Variants in PREX1 observed in about 807,000 individuals in gnomAD.
PREX1 encodes the protein phosphatidylinositol-3,4,5-trisphosphate dependent Rac exchange factor 1, also known as phosphatidylinositol 3,4,5-trisphosphate-dependent Rac exchanger 1 protein.
A neutral mutation model predicts 198.3 loss-of-function variants in PREX1; 41 were observed. The ratio of observed to expected loss-of-function variants is 0.21; its 90% CI spans 0.16 to 0.27. PREX1 has a LOEUF of 0.27. Among genes scored for constraint, PREX1 ranks in the 10% least tolerant of loss-of-function variants. The pLI, the probability that PREX1 is intolerant of heterozygous loss-of-function variation, is 1.00. For missense variants in PREX1, 1,620 were observed against 2,200.7 expected (o/e 0.74, Z 5.28); for synonymous variants, 843 against 887.2 (o/e 0.95, Z 0.89).
intron 26 of PREX1, 140 bp downstream of exon 26, chr20:48,645,711 A>G: frequency 1.0e-6 from 1 of 976,800 alleles, no homozygotes; most frequent in Non-Finnish European, 1.5e-6. Context: ...AATCCCCCAG[A>G]ACCACGCTAT....
intron 3 of PREX1, among the ~76,000 whole-genome samples, chr20:48,741,346 TA>T (rs67760110): frequency 0.064 from 9,748 of 151,276 alleles, 394 homozygotes; most frequent in South Asian, 0.18. Flanking sequence ...ATTTTTTTTT[TA>T]TTTTATTTTT....
chr20:48,828,026 G>GGAGGCAGCGCGCGGGGGCC (rs2090518690), upstream of PREX1: 5 of 157,110 alleles, frequency 3.2e-5, no homozygotes, highest in South Asian at 1.8e-4. Flanking sequence ...GGCCGGGGGC[G>GGAGGCAGCGCGCGGGGGCC]GAGGCAGCGC....
At chr20:48,862,790 A>AAAAAT in the PREX1 span, among the ~76,000 whole-genome samples, 321 of 102,540 alleles carry the variant, frequency 3.1e-3, 1 homozygote, top group South Asian at 0.01. Flanking sequence ...TAAAAAAAAA[A>AAAAAT]ATATATATAT....
intron 37 of PREX1, 63 bp from the exon 38 acceptor site, chr20:48,628,026 CG>C (rs754780002): frequency 7.5e-5 from 76 of 1,019,432 alleles, no homozygotes; most frequent in Non-Finnish European, 9.7e-5. Context: ...GGGAGGACAG[CG>C]GGAGTCAGAG....
intron 32 of PREX1, 73 bp downstream of exon 32, chr20:48,636,390 G>A (rs187092245): frequency 1.4e-6 from 2 of 1,444,540 alleles, no homozygotes; most frequent in East Asian, 4.9e-5. Flanking sequence ...GTGGGCAAGG[G>A]CTCCCTCGAC....
At chr20:48,690,884 C>G in intron 9 of PREX1, 63 bp downstream of exon 9, 1 of 1,605,344 alleles carries the variant, frequency 6.2e-7, no homozygotes, top group Non-Finnish European at 8.5e-7. Flanking sequence ...ACACAGCCCC[C>G]ACTCAGAAGA....
At chr20:48,761,587 C>T (rs905150897) in intron 1 of PREX1, among the ~76,000 whole-genome samples, 1 of 151,976 alleles carries the variant, frequency 6.6e-6, no homozygotes, top group Admixed American at 6.6e-5. Context: ...TTGCAACAAC[C>T]TGTCATGAAG....
chr20:48,770,598 T>C (rs1004541712), intron 1 of PREX1, among the ~76,000 whole-genome samples: 5 of 152,050 alleles, frequency 3.3e-5, no homozygotes, highest in African/African-American at 1.2e-4. Context: ...TAATCCCAGC[T>C]ACTTGGGAGG....
intron 7 of PREX1, among the ~76,000 whole-genome samples, chr20:48,698,698 G>A (rs201768912): frequency 3.2e-4 from 49 of 152,266 alleles, no homozygotes; most frequent in Middle Eastern, 3.4e-3. Flanking sequence ...GCCCAGAACA[G>A]GGGGGAAAGG....
At chr20:48,867,473 G>A in the PREX1 span, among the ~76,000 whole-genome samples, 1 of 152,270 alleles carries the variant, frequency 6.6e-6, no homozygotes, top group Non-Finnish European at 1.5e-5. Context: ...CCAGGCACCT[G>A]AGCCAAGCTG....
intron 1 of PREX1, among the ~76,000 whole-genome samples, chr20:48,821,053 G>A (rs1337869038): frequency 6.6e-6 from 1 of 151,934 alleles, no homozygotes; most frequent in African/African-American, 2.4e-5. Context: ...AATACAAAAA[G>A]TAGCCGGGCA....
At chr20:48,630,514 G>C (rs996997527) in intron 36 of PREX1, among the ~76,000 whole-genome samples, 1 of 152,222 alleles carries the variant, frequency 6.6e-6, no homozygotes, top group African/African-American at 2.4e-5. Context: ...GGCAGAGATG[G>C]GCGGCTGCCA....
chr20:48,801,872 G>T (rs2090388795), intron 1 of PREX1, among the ~76,000 whole-genome samples: 1 of 152,122 alleles, frequency 6.6e-6, no homozygotes, highest in Admixed American at 6.5e-5. Flanking sequence ...GGGGAGTCTG[G>T]ATTAGTTCCC....
intron 1 of PREX1, among the ~76,000 whole-genome samples, chr20:48,797,353 C>G (rs879739299): frequency 3.3e-5 from 5 of 151,226 alleles, no homozygotes; most frequent in Non-Finnish European, 5.9e-5. Flanking sequence ...AGACCCCCCC[C>G]AGGACACTGA....
intron 7 of PREX1, 103 bp downstream of exon 7, chr20:48,700,650 C>A (rs2089868996): frequency 3.4e-6 from 5 of 1,481,278 alleles, no homozygotes; most frequent in Non-Finnish European, 4.7e-6. Flanking sequence ...ACAAACCCCT[C>A]AACTCACAGG....
intron 3 of PREX1, among the ~76,000 whole-genome samples, chr20:48,741,075 C>T (rs2090079381): frequency 6.6e-6 from 1 of 151,776 alleles, no homozygotes; most frequent in Non-Finnish European, 1.5e-5. Flanking sequence ...GTGGCACAAT[C>T]TCGACTCACT....
intron 1 of PREX1, among the ~76,000 whole-genome samples, chr20:48,764,755 C>G (rs1024554649): frequency 1.4e-5 from 2 of 147,000 alleles, no homozygotes; most frequent in East Asian, 2.0e-4. Flanking sequence ...ACACTCCAAC[C>G]TGGGAGACAG....
chr20:48,653,269 T>C (rs1339176266), intron 20 of PREX1, 92 bp downstream of exon 20: 1 of 1,534,392 alleles, frequency 6.5e-7, no homozygotes. Context: ...CAGTGGTACA[T>C]GCAGGCTTTT....
chr20:48,658,199 A>C lies in PREX1; in HGVS notation c.1911T>G (p.Phe637Leu). 1.9e-6 allele frequency: 3 copies of C among 1,614,168 alleles called. No individual in the cohort carries two copies. Among genetic ancestry groups the C allele is most frequent in the South Asian group, 1.1e-5 (1 of 91,086 alleles). ...CAGCCTTGTTCTTCTCCTCGATGTC[A>C]AAGCCATAGTCCTCCTCCTGGGGCA... ...LILPQEEDYG[F>L]DIEEKNKAVV... The change falls in exon 17 of 40, where the codon TTT becomes TTG. Residue 637 changes from phenylalanine to leucine, a missense_variant. Physicochemically the swap from Phe to Leu is conservative, Grantham distance 22. Transcript: ENST00000371941.
Sources: gnomAD v4.1 joint callset for allele counts (sites outside exome capture counted in the v4.1 genomes callset) on GRCh38, gnomAD v4.1.1 for gene constraint, MANE v1.5 for transcripts, NCBI Gene and HGNC (gene_info 2026-07-23, HGNC 2026-07-21) for gene names.